The following SAMD12 variants were observed in gnomAD, a reference collection of about 807,000 sequenced individuals.
SAMD12 encodes the protein sterile alpha motif domain containing 12, also known as sterile alpha motif domain-containing protein 12.
In SAMD12, 9 loss-of-function variants were observed where a neutral mutation model predicts 15.0. That is an observed-to-expected ratio of 0.60 (90% CI 0.36 to 1.05). SAMD12 has a LOEUF of 1.05. Ranked by LOEUF, SAMD12 falls within the 50% of genes least tolerant of loss-of-function variation. SAMD12 has a pLI of 0.01. For missense variants in SAMD12, 230 were observed against 234.2 expected (o/e 0.98, Z 0.12); for synonymous variants, 86 against 90.1 (o/e 0.96, Z 0.25).
chr8:118,418,235 TTTC>T (rs1821806896), intron 3 of SAMD12, among the ~76,000 whole-genome samples: 1 of 152,208 alleles, frequency 6.6e-6, no homozygotes, highest in Non-Finnish European at 1.5e-5. Flanking sequence ...CCTGGCCTGG[TTTC>T]ACCCTTAGTG....
At chr8:118,304,793 T>TAAAC (rs1293191078) in intron 4 of SAMD12, among the ~76,000 whole-genome samples, 1 of 136,136 alleles carries the variant, frequency 7.3e-6, no homozygotes, top group African/African-American at 2.9e-5. Flanking sequence ...AATAAATAAA[T>TAAAC]AAATACACAA....
At chr8:118,259,163 A>G (rs567060641) in intron 4 of SAMD12, among the ~76,000 whole-genome samples, 1 of 152,258 alleles carries the variant, frequency 6.6e-6, no homozygotes, top group East Asian at 1.9e-4. Flanking sequence ...TAGGCAAATC[A>G]TTCTAACAGG....
intron 4 of SAMD12, among the ~76,000 whole-genome samples, chr8:118,208,151 G>A (rs1819919111): frequency 6.6e-6 from 1 of 152,118 alleles, no homozygotes; most frequent in Non-Finnish European, 1.5e-5. Flanking sequence ...CAGCTACTCG[G>A]GAGGCTGAGG....
chr8:118,167,298 C>T, the SAMD12 span, among the ~76,000 whole-genome samples: 1 of 152,018 alleles, frequency 6.6e-6, no homozygotes, highest in African/African-American at 2.4e-5. Context: ...TGGCCTGCTC[C>T]ACCACATGCT....
At chr8:118,257,904 A>G (rs111472442) in intron 4 of SAMD12, among the ~76,000 whole-genome samples, 2,359 of 152,266 alleles carry the variant, frequency 0.015, 24 homozygotes, top group Non-Finnish European at 0.024. Context: ...TTTAAATAAA[A>G]TGCTTTCTCC....
At chr8:118,160,838 A>T in the SAMD12 span, among the ~76,000 whole-genome samples, 1 of 152,152 alleles carries the variant, frequency 6.6e-6, no homozygotes, top group Non-Finnish European at 1.5e-5. Context: ...CATGTGCACA[A>T]CGTGCAGGTT....
At chr8:118,335,560 G>A (rs1817016966) in intron 4 of SAMD12, among the ~76,000 whole-genome samples, 1 of 152,136 alleles carries the variant, frequency 6.6e-6, no homozygotes, top group African/African-American at 2.4e-5. Flanking sequence ...CTATTCTGAG[G>A]GTGGCATGCC....
Position 118,251,540 on chromosome 8 carries a change from C to T in SAMD12, c.434-53808G>A, listed in dbSNP as rs62532667. On this transcript the variant is annotated intron_variant, in intron 4 of 4. Coordinates refer to the SAMD12 transcript ENST00000409003. Reference sequence around the variant, plus strand: ...CTGTAAACCTTTTGCTTTTGGGTTACGTGTGTTTTATCCCTGACTACTTCT... The same window carrying T: ...CTGTAAACCTTTTGCTTTTGGGTTATGTGTGTTTTATCCCTGACTACTTCT... Among the ~76,000 whole-genome samples, 467 of 152,162 alleles carry T rather than the reference C, an allele frequency of 3.1e-3. 2 individuals carry two copies. Among genetic ancestry groups the T allele is most frequent in the Non-Finnish European group, 4.1e-3 (279 of 67,986 alleles).
chr8:118,546,515 G>T (rs1826130185), intron 2 of SAMD12, among the ~76,000 whole-genome samples: 1 of 151,740 alleles, frequency 6.6e-6, no homozygotes. Flanking sequence ...CTGCTTTCAG[G>T]GCAGATGGCA....
intron 3 of SAMD12, among the ~76,000 whole-genome samples, chr8:118,383,501 C>T (rs1022782492): frequency 3.3e-5 from 5 of 150,682 alleles, no homozygotes; most frequent in African/African-American, 1.0e-4. Flanking sequence ...GGGCTGCCAT[C>T]GTAGACAGAC....
At chr8:118,468,323 G>T (rs13249739) in intron 2 of SAMD12, among the ~76,000 whole-genome samples, 1 of 152,046 alleles carries the variant, frequency 6.6e-6, no homozygotes, top group Non-Finnish European at 1.5e-5. Context: ...AACTGCCTCT[G>T]TAAACCAACC....
intron 1 of SAMD12, among the ~76,000 whole-genome samples, chr8:118,584,922 T>TAC (rs141290440): frequency 0.076 from 11,169 of 146,952 alleles, 477 homozygotes; most frequent in Non-Finnish European, 0.1. Context: ...CTTGTAGGTA[T>TAC]ACACACACAC....
At chr8:118,478,827 A>C (rs1824040487) in intron 2 of SAMD12, among the ~76,000 whole-genome samples, 1 of 152,178 alleles carries the variant, frequency 6.6e-6, no homozygotes, top group Non-Finnish European at 1.5e-5. Flanking sequence ...AGTGAGTGGG[A>C]GCTCCAGGAA....
At chr8:118,534,369 C>T (rs1330858192) in intron 2 of SAMD12, among the ~76,000 whole-genome samples, 1 of 152,122 alleles carries the variant, frequency 6.6e-6, no homozygotes, top group African/African-American at 2.4e-5. Flanking sequence ...TCTGGCTGCC[C>T]TTAACATTTT....
intron 4 of SAMD12, among the ~76,000 whole-genome samples, chr8:118,232,246 G>A (rs1812327751): frequency 6.6e-6 from 1 of 152,110 alleles, no homozygotes; most frequent in Admixed American, 6.5e-5. Flanking sequence ...ATAAGCTTAA[G>A]CTCCCCATAG....
rs35425105 is a variant in SAMD12 at position 118,401,542 on chromosome 8, T to TTC, written c.323-21843_323-21842insGA. Among the ~76,000 whole-genome samples, 349 of 41,484 alleles carry TTC rather than the reference T, an allele frequency of 8.4e-3. 1 individual carries two copies. Among genetic ancestry groups the TTC allele is most frequent in the Non-Finnish European group, 0.013 (257 of 20,198 alleles). 27.2% of individuals were successfully genotyped at this position (41,484 alleles called of 152,430 possible). A position where few individuals can be genotyped will look rare whatever the true frequency, so the allele number is the denominator to read the frequency against. The stretch of plus-strand genomic sequence containing the variant: ...TGTGCCACAGACTCCCTTCTTCTTC[T>TTC]TTTTTTTTTTTTTTGTATAAACAGG... On this transcript the variant is annotated intron_variant, in intron 3 of 3. Transcript: ENST00000314727.
intron 2 of SAMD12, among the ~76,000 whole-genome samples, chr8:118,454,297 T>C (rs1367081592): frequency 1.3e-5 from 2 of 152,230 alleles, no homozygotes; most frequent in Non-Finnish European, 2.9e-5. Flanking sequence ...CTTCAAATGT[T>C]GCTGTGAGAA....
At chr8:118,258,652 G>C (rs935075500) in intron 4 of SAMD12, among the ~76,000 whole-genome samples, 2 of 152,160 alleles carry the variant, frequency 1.3e-5, no homozygotes, top group East Asian at 3.9e-4. Context: ...GAGTAAAAAG[G>C]GTGGTGGCAA....
At chr8:118,357,927 C>G (rs1029125119) in intron 4 of SAMD12, among the ~76,000 whole-genome samples, 1 of 152,128 alleles carries the variant, frequency 6.6e-6, no homozygotes, top group Non-Finnish European at 1.5e-5. Context: ...GGGAGGATCC[C>G]TTAAGCCCAT....
Sources: gnomAD v4.1 joint callset for allele counts (sites outside exome capture counted in the v4.1 genomes callset) on GRCh38, gnomAD v4.1.1 for gene constraint, MANE v1.5 for transcripts, NCBI Gene and HGNC (gene_info 2026-07-23, HGNC 2026-07-21) for gene names.